SBNO2: variants seen among roughly 807,000 people sequenced by gnomAD.
SBNO2 encodes the protein strawberry notch homolog 2, also known as protein strawberry notch homolog 2.
A neutral mutation model predicts 146.3 loss-of-function variants in SBNO2; 89 were observed. The ratio of observed to expected loss-of-function variants is 0.61; its 90% CI spans 0.51 to 0.73. The LOEUF is 0.73. SBNO2 is among the 30% of genes least tolerant of loss of function. The probability of loss-of-function intolerance (pLI) is 0.00; values close to 1 mark genes in which losing one functional copy is unlikely to be tolerated. For synonymous variants in SBNO2, 1,147 were observed against 892.6 expected (o/e 1.29, Z -5.08); for missense variants, 2,092 against 2,003.7 (o/e 1.04, Z -0.84).
chr19:1,130,458 C>T (rs142586027), intron 4 of SBNO2, among the ~76,000 whole-genome samples: 67 of 152,076 alleles, frequency 4.4e-4, no homozygotes, highest in African/African-American at 1.4e-3. Context: ...CGCCACTGCA[C>T]GCCAGCCTGG....
chr19:1,132,152 G>A (rs1397203453), intron 4 of SBNO2: 1 of 1,473,950 alleles, frequency 6.8e-7, no homozygotes. Flanking sequence ...GCGCTCGGGG[G>A]GCCAGGGGTC....
At chr19:1,139,427 C>T (rs1182910001) in intron 4 of SBNO2, among the ~76,000 whole-genome samples, 2 of 152,030 alleles carry the variant, frequency 1.3e-5, no homozygotes, top group African/African-American at 4.8e-5. Context: ...CTGAACAGCT[C>T]TGGACTTTGT....
chr19:1,121,836 G>A (rs1451534107), intron 11 of SBNO2, among the ~76,000 whole-genome samples: 1 of 152,188 alleles, frequency 6.6e-6, no homozygotes, highest in Non-Finnish European at 1.5e-5. Context: ...CCAAGCCGGA[G>A]CCCTGTGGTG....
intron 1 of SBNO2, among the ~76,000 whole-genome samples, chr19:1,169,603 G>A (rs1284699216): frequency 6.6e-6 from 1 of 152,184 alleles, no homozygotes; most frequent in East Asian, 1.9e-4. Flanking sequence ...GTGGGGTGAT[G>A]CCATCACTGT....
rs1334754026 is a variant in SBNO2, at chr19:1,108,535, G to C, written c.3786C>G (p.Ser1262Arg). The change falls in exon 32 of 32, where the codon AGC (serine) becomes AGG (arginine). Residue 1262 changes from serine (S) to arginine (R), a missense_variant. Physicochemically the swap from Ser to Arg is moderately radical, Grantham distance 110. Transcript: ENST00000361757. ...GCGGCGGGAAGGCCTCGGCCGGGGG[G>C]CTGTAGGTGAGGTCCAGCACCTCTC... ...GPGEVLDLTY[S>R]PPAEAFPPPP... is the part of the protein sequence containing the mutation. 1 of 1,222,316 alleles carries C rather than the reference G, an allele frequency of 8.2e-7. No individual in the cohort carries two copies. The highest frequency in any genetic ancestry group is 4.6e-5 in the Admixed American group (1 of 21,658). 75.7% of individuals were successfully genotyped at this position (1,222,316 alleles called of 1,614,324 possible).
chr19:1,124,634 C>T (rs2079944322), intron 5 of SBNO2, among the ~76,000 whole-genome samples: 1 of 152,216 alleles, frequency 6.6e-6, no homozygotes, highest in Admixed American at 6.5e-5. Context: ...GGCAGCACCT[C>T]CTCTGTGAGA....
At chr19:1,147,559 C>T (rs977080114) in intron 3 of SBNO2, 139 bp from the exon 4 acceptor site, 2 of 531,890 alleles carry the variant, frequency 3.8e-6, no homozygotes, top group Non-Finnish European at 6.5e-6. Flanking sequence ...GGACCCATGG[C>T]CCCGCTGCAC....
intron 3 of SBNO2, 29 bp downstream of exon 3, chr19:1,149,340 G>A (rs76603488): frequency 0.081 from 124,429 of 1,538,916 alleles, 5,517 homozygotes; most frequent in Middle Eastern, 0.12. Context: ...CAAGCCTGGG[G>A]GCCAGGCGGG....
chr19:1,109,550 G>A lies in SBNO2; in HGVS notation c.3172C>T (p.Leu1058=), dbSNP rs1362025822. ...LKWEDAFAKS[L]ALTGPYDGFY... is the part of the protein sequence containing the mutation. ...CCGTCATAGGGGCCCGTCAGCGCCA[G>A]CGACTTGGCAAAGGCGTCCTCCCAC... Residue 1058 remains leucine, a synonymous_variant, in exon 28 of 32, where the codon CTG becomes TTG. Transcript: ENST00000361757. The surrounding 1 kb of genome is among the most constrained non-coding windows in gnomAD (Gnocchi z 4.2). 1.2e-6 allele frequency: 2 copies of A among 1,601,620 alleles called. No homozygotes were observed. Among genetic ancestry groups the A allele is most frequent in the Non-Finnish European group, 1.7e-6 (2 of 1,175,258 alleles).
intron 5 of SBNO2, among the ~76,000 whole-genome samples, chr19:1,127,251 G>C (rs1208570378): frequency 1.3e-5 from 2 of 152,168 alleles, no homozygotes; most frequent in African/African-American, 4.8e-5. Context: ...TGCTTCTCTA[G>C]ACCAGGGACT....
At chr19:1,160,073 C>A (rs922132352) in intron 1 of SBNO2, among the ~76,000 whole-genome samples, 1 of 152,156 alleles carries the variant, frequency 6.6e-6, no homozygotes, top group East Asian at 1.9e-4. Flanking sequence ...CCCTCTCACA[C>A]GTTCCACCCC....
Position 1,123,859 on chromosome 19 carries a change from A to C in SBNO2, c.522+83T>G, listed in dbSNP as rs569888190. The C allele has an allele frequency of 2.1e-6, 3 of 1,410,082 alleles. No homozygotes were observed. The African/African-American group carries it at 4.3e-5, about 20-fold the overall frequency. 87.3% of individuals were successfully genotyped at this position (1,410,082 alleles called of 1,614,324 possible). A position where few individuals can be genotyped will look rare whatever the true frequency, so the allele number is the denominator to read the frequency against. ...CTTCTAGGCCAGCCAAGCGCTCCCC[A>C]CAATGGAGATGCCTGTGCTGAGCCC... On this transcript the variant is annotated intron_variant, in intron 6 of 31. Coordinates refer to ENST00000361757, the MANE Select transcript of SBNO2 (RefSeq NM_014963.3).
chr19:1,116,628 C>T (rs2079835182), intron 16 of SBNO2, among the ~76,000 whole-genome samples: 2 of 152,170 alleles, frequency 1.3e-5, no homozygotes, highest in Admixed American at 1.3e-4. Flanking sequence ...CCCACCATGC[C>T]TGGGGTCCAC....
At chr19:1,131,934 C>T (rs182325042) in intron 4 of SBNO2, among the ~76,000 whole-genome samples, 32 of 152,342 alleles carry the variant, frequency 2.1e-4, no homozygotes, top group African/African-American at 7.0e-4. Context: ...AAGAGACGGA[C>T]GGGGCGGGGT....
rs763155300 is a variant in SBNO2, at chr19:1,122,134, G to A, written c.1149+5C>T. The A allele has an allele frequency of 1.4e-6, 2 of 1,429,804 alleles. No individual in the cohort carries two copies. The highest frequency in any genetic ancestry group is 1.5e-5 in the South Asian group (1 of 66,034). The allele number at this position is 1,429,804 out of a possible 1,614,324, so 88.6% of individuals were successfully genotyped here. ...CTCCCCTCCCGATTGCCCCCAGCAG[G>A]ATACGACGCCCTCGAAGGCCTCCCC... On this transcript the variant is annotated splice_donor_5th_base_variant and intron_variant, in intron 11 of 31. Coordinates refer to ENST00000361757, the MANE Select transcript of SBNO2 (RefSeq NM_014963.3).
At chr19:1,133,002 C>T (rs2080048591) in intron 4 of SBNO2, among the ~76,000 whole-genome samples, 2 of 152,228 alleles carry the variant, frequency 1.3e-5, no homozygotes, top group Admixed American at 6.5e-5. Context: ...CACTCTTGCC[C>T]GCACTGTGAG....
At chr19:1,135,045 CAA>C (rs201799961) in intron 4 of SBNO2, among the ~76,000 whole-genome samples, 3 of 51,230 alleles carry the variant, frequency 5.9e-5, no homozygotes, top group African/African-American at 7.9e-5. Context: ...GACTCTGTCT[CAA>C]AAAAAAAAAA....
In SBNO2 at chr19:1,112,610, A is replaced by C; in HGVS notation, c.2380-73T>G. 1 of 1,491,710 alleles carries C rather than the reference A, an allele frequency of 6.7e-7. No homozygotes were observed. The highest frequency in any genetic ancestry group is 1.4e-5 in the African/African-American group (1 of 72,042). 92.4% of individuals were successfully genotyped at this position (1,491,710 alleles called of 1,614,324 possible). A position where few individuals can be genotyped will look rare whatever the true frequency, so the allele number is the denominator to read the frequency against. On this transcript the variant is annotated intron_variant, in intron 20 of 31. Transcript: ENST00000361757. This position sits in a 1 kb window ranked among gnomAD's most constrained non-coding sequence, Gnocchi z 5.9. ...CAGCGTTGCCGCCACCTCCTCACCCACTAGGCCCCCGCTCCAGGTCACCAG... is the reference window on the plus strand; with the variant it reads ...CAGCGTTGCCGCCACCTCCTCACCCCCTAGGCCCCCGCTCCAGGTCACCAG...
intron 1 of SBNO2, among the ~76,000 whole-genome samples, chr19:1,163,352 GGAAGCTGGGA>G (rs1485783814): frequency 6.6e-6 from 1 of 152,214 alleles, no homozygotes; most frequent in South Asian, 2.1e-4. Context: ...CTGGAGCCCC[GGAAGCTGGGA>G]GGGGCAGGAA....
Sources: gnomAD v4.1 joint callset for allele counts (sites outside exome capture counted in the v4.1 genomes callset) on GRCh38, gnomAD v4.1.1 for gene constraint, Gnocchi (gnomAD v3.1) non-coding constraint, MANE v1.5 for transcripts, NCBI Gene and HGNC (gene_info 2026-07-23, HGNC 2026-07-21) for gene names.